The following UBE2E2 variants were observed in gnomAD, a reference collection of about 807,000 sequenced individuals.
UBE2E2 encodes the protein ubiquitin conjugating enzyme E2 E2, also known as ubiquitin-conjugating enzyme E2 E2.
Under a neutral mutation model 24.7 loss-of-function variants are expected in UBE2E2, and 6 were observed. That is an observed-to-expected ratio of 0.24 (90% CI 0.13 to 0.48). UBE2E2 has a LOEUF of 0.48. Among genes scored for constraint, UBE2E2 ranks in the 20% least tolerant of loss-of-function variants. The probability of loss-of-function intolerance (pLI) is 0.99; values close to 1 mark genes in which losing one functional copy is unlikely to be tolerated. For synonymous variants in UBE2E2, 104 were observed against 83.6 expected, an observed-to-expected ratio of 1.24 and a Z score of -1.33; for missense variants, 169 against 245.0, an observed-to-expected ratio of 0.69 and a Z score of 2.07.
intron 3 of UBE2E2, among the ~76,000 whole-genome samples, chr3:23,281,391 A>G (rs1237041075): frequency 6.6e-6 from 1 of 152,230 alleles, no homozygotes; most frequent in Non-Finnish European, 1.5e-5. Flanking sequence ...CAGCATTTTG[A>G]GAGGCTGAGA....
intron 3 of UBE2E2, among the ~76,000 whole-genome samples, chr3:23,247,930 T>C (rs1039402193): frequency 6.6e-6 from 1 of 152,224 alleles, no homozygotes; most frequent in African/African-American, 2.4e-5. Context: ...GTTATAAAAG[T>C]CTTTAGACTT....
chr3:23,587,814 T>C (rs1249213340), intron 5 of UBE2E2, among the ~76,000 whole-genome samples: 3 of 152,236 alleles, frequency 2.0e-5, no homozygotes, highest in African/African-American at 7.2e-5. Context: ...AGAGTTTTCA[T>C]TTCAACATCT....
intron 5 of UBE2E2, among the ~76,000 whole-genome samples, chr3:23,554,633 C>T (rs1473534848): frequency 6.6e-6 from 1 of 152,108 alleles, no homozygotes; most frequent in Admixed American, 6.6e-5. Flanking sequence ...TCGAAGAAAA[C>T]GTGGGTAAAA....
intron 4 of UBE2E2, among the ~76,000 whole-genome samples, chr3:23,511,467 G>A (rs1413820408): frequency 6.6e-6 from 1 of 152,196 alleles, no homozygotes; most frequent in Admixed American, 6.5e-5. Context: ...GTGCAGAAAT[G>A]TTCAGCCAAC....
chr3:23,401,270 A>G (rs192691728), intron 3 of UBE2E2, among the ~76,000 whole-genome samples: 318 of 152,350 alleles, frequency 2.1e-3, no homozygotes, highest in Non-Finnish European at 2.8e-3. Flanking sequence ...AGGAGTTAGA[A>G]TACAAAACAC....
chr3:23,409,517 T>C (rs1420819205), intron 3 of UBE2E2, among the ~76,000 whole-genome samples: 2 of 152,160 alleles, frequency 1.3e-5, no homozygotes, highest in Non-Finnish European at 2.9e-5. Context: ...GTATACCCCA[T>C]ATATTTCCCC....
chr3:23,227,275 T>G (rs1235984319), intron 3 of UBE2E2, among the ~76,000 whole-genome samples: 1 of 152,172 alleles, frequency 6.6e-6, no homozygotes, highest in Non-Finnish European at 1.5e-5. Flanking sequence ...AACTCTCTGG[T>G]TGTATTTGAT....
intron 3 of UBE2E2, among the ~76,000 whole-genome samples, chr3:23,478,044 A>C (rs903689036): frequency 2.0e-5 from 3 of 152,370 alleles, no homozygotes; most frequent in Middle Eastern, 6.8e-3. Flanking sequence ...CCTCTCCTCC[A>C]TAAATTACCC....
intron 3 of UBE2E2, among the ~76,000 whole-genome samples, chr3:23,316,569 A>G (rs942152344): frequency 4.6e-5 from 7 of 151,804 alleles, no homozygotes; most frequent in Admixed American, 2.0e-4. Flanking sequence ...CAAGGCCTAC[A>G]ACTGGCGACC....
chr3:23,389,487 A>C (rs1380334933), intron 3 of UBE2E2, among the ~76,000 whole-genome samples: 1 of 152,232 alleles, frequency 6.6e-6, no homozygotes, highest in Non-Finnish European at 1.5e-5. Flanking sequence ...GGGAAAAGGA[A>C]ATCTGGAGAG....
intron 3 of UBE2E2, among the ~76,000 whole-genome samples, chr3:23,499,164 G>C (rs779529593): frequency 1.8e-4 from 28 of 152,204 alleles, no homozygotes; most frequent in Non-Finnish European, 3.1e-4. Context: ...AGATTCAGAT[G>C]GGATATGATA....
intron 3 of UBE2E2, among the ~76,000 whole-genome samples, chr3:23,262,560 A>T (rs762931156): frequency 6.6e-6 from 1 of 151,680 alleles, no homozygotes; most frequent in Non-Finnish European, 1.5e-5. Context: ...GATTGCAGGC[A>T]TGAGCCACCA....
At chr3:23,423,518 T>C (rs762181783) in intron 3 of UBE2E2, among the ~76,000 whole-genome samples, 10 of 152,210 alleles carry the variant, frequency 6.6e-5, no homozygotes, top group Non-Finnish European at 1.3e-4. Flanking sequence ...TTATTTCTTA[T>C]CAGGATGAGA....
intron 3 of UBE2E2, among the ~76,000 whole-genome samples, chr3:23,341,876 G>A (rs1695398573): frequency 6.6e-6 from 1 of 152,178 alleles, no homozygotes; most frequent in Non-Finnish European, 1.5e-5. Context: ...ATGAGAAGAT[G>A]TAAACAATTA....
intron 3 of UBE2E2, among the ~76,000 whole-genome samples, chr3:23,338,035 T>C (rs1695261316): frequency 6.6e-6 from 1 of 152,140 alleles, no homozygotes; most frequent in Admixed American, 6.5e-5. Flanking sequence ...CTGGGAAGTA[T>C]AATAAACAAG....
At chr3:23,261,950 C>A (rs1012578024) in intron 3 of UBE2E2, among the ~76,000 whole-genome samples, 11 of 152,164 alleles carry the variant, frequency 7.2e-5, no homozygotes, top group African/African-American at 2.2e-4. Flanking sequence ...GTGCAGTTAT[C>A]TCTTTGATAT....
chr3:23,420,881 A>G (rs894408353), intron 3 of UBE2E2, among the ~76,000 whole-genome samples: 7 of 152,346 alleles, frequency 4.6e-5, no homozygotes, highest in African/African-American at 9.6e-5. Context: ...GATATTGCCT[A>G]TGGGTTAAGA....
intron 3 of UBE2E2, among the ~76,000 whole-genome samples, chr3:23,404,328 C>T (rs935225848): frequency 3.3e-5 from 5 of 152,168 alleles, no homozygotes; most frequent in Non-Finnish European, 7.3e-5. Flanking sequence ...CTCTCTGCCT[C>T]CATGCTTAGC....
At chr3:23,433,527 CTAAG>C (rs1341064837) in intron 3 of UBE2E2, among the ~76,000 whole-genome samples, 1 of 151,924 alleles carries the variant, frequency 6.6e-6, no homozygotes, top group African/African-American at 2.4e-5. Flanking sequence ...TTTTTTGAAA[CTAAG>C]TACATTGACG....
Sources: allele counts gnomAD v4.1 joint callset (sites outside exome capture counted in the v4.1 genomes callset), GRCh38; gene constraint gnomAD v4.1.1; transcripts MANE v1.5; gene names NCBI Gene and HGNC (gene_info 2026-07-23, HGNC 2026-07-21).